The following PPM1E variants were observed in gnomAD, a reference collection of about 807,000 sequenced individuals.
PPM1E encodes the protein protein phosphatase 1E.
In PPM1E, 20 loss-of-function variants were observed where a neutral mutation model predicts 65.9. The observed-to-expected ratio is 0.30, with a 90% CI of 0.21 to 0.44. The LOEUF (loss-of-function observed/expected upper bound fraction) is 0.44, where lower values mean the gene tolerates loss of function less well. PPM1E is among the 20% of genes least tolerant of loss of function. The pLI, the probability that PPM1E is intolerant of heterozygous loss-of-function variation, is 1.00. For missense variants in PPM1E, 713 were observed against 953.1 expected (o/e 0.75, Z 3.32); for synonymous variants, 352 against 374.9 (o/e 0.94, Z 0.70).
rs1404081017 is a variant in PPM1E at position 58,980,639 on chromosome 17, T to A, written c.1876T>A (p.Phe626Ile). Reference sequence around the variant, plus strand: ...GCCTGAATGGAGTGGTGCTGGAGAGTTTCCCACTGCTTTCAATTTGGGTTC... The same window carrying A: ...GCCTGAATGGAGTGGTGCTGGAGAGATTCCCACTGCTTTCAATTTGGGTTC... Reference protein sequence around the residue: ...SLPEWSGAGEFPTAFNLGSTG... With the variant: ...SLPEWSGAGEIPTAFNLGSTG... Residue 626 changes from phenylalanine to isoleucine, a missense_variant, in exon 7 of 7, where the codon TTT becomes ATT. Phe to Ile is a conservative substitution (Grantham distance 21). Around this residue, in one of 6 missense-constraint regions of PPM1E, gnomAD observed 286 missense variants for 313.8 expected, o/e 0.91. Coordinates refer to ENST00000308249, the MANE Select transcript of PPM1E (RefSeq NM_014906.5). This position sits in a 1 kb window ranked among gnomAD's most constrained non-coding sequence, Gnocchi z 4.7. 6.2e-7 allele frequency: 1 copy of A among 1,613,978 alleles called. No individual in the cohort carries two copies. The highest frequency in any genetic ancestry group is 1.1e-5 in the South Asian group (1 of 91,068).
At chr17:58,786,560 A>G (rs557129574) in intron 1 of PPM1E, among the ~76,000 whole-genome samples, 25 of 152,314 alleles carry the variant, frequency 1.6e-4, no homozygotes, top group African/African-American at 6.0e-4. Flanking sequence ...GGCAGGACGG[A>G]GTGGGATGAT....
intron 1 of PPM1E, among the ~76,000 whole-genome samples, chr17:58,848,528 A>T (rs1466019015): frequency 6.6e-6 from 1 of 152,192 alleles, no homozygotes; most frequent in Non-Finnish European, 1.5e-5. Flanking sequence ...CTATTGAGAT[A>T]ATCATGTGGT....
intron 1 of PPM1E, among the ~76,000 whole-genome samples, chr17:58,821,786 G>A (rs2050482947): frequency 6.6e-6 from 1 of 152,158 alleles, no homozygotes; most frequent in African/African-American, 2.4e-5. Flanking sequence ...CTGGGCTTTA[G>A]AACTCCATTG....
At chr17:58,796,709 C>A (rs765692372) in intron 1 of PPM1E, among the ~76,000 whole-genome samples, 1 of 152,192 alleles carries the variant, frequency 6.6e-6, no homozygotes, top group Non-Finnish European at 1.5e-5. Context: ...CACCCATATA[C>A]CCACAACTTT....
chr17:58,825,063 T>C (rs2050519963), intron 1 of PPM1E, among the ~76,000 whole-genome samples: 2 of 152,066 alleles, frequency 1.3e-5, no homozygotes, highest in Non-Finnish European at 2.9e-5. Flanking sequence ...ACTACAAATA[T>C]GGAGCAGTGT....
chr17:58,796,052 A>AT (rs1048240423), intron 1 of PPM1E, among the ~76,000 whole-genome samples: 10 of 151,608 alleles, frequency 6.6e-5, no homozygotes, highest in Admixed American at 4.6e-4. Context: ...CCTTTTGTCA[A>AT]TTTTTTTTGT....
At chr17:58,781,842 C>T (rs763312115) in intron 1 of PPM1E, among the ~76,000 whole-genome samples, 24 of 151,722 alleles carry the variant, frequency 1.6e-4, no homozygotes, top group African/African-American at 4.8e-4. Flanking sequence ...GCCAAGATCA[C>T]GCCTGTGCAC....
intron 1 of PPM1E, among the ~76,000 whole-genome samples, chr17:58,944,632 A>C (rs114496328): frequency 0.019 from 2,939 of 152,202 alleles, 90 homozygotes; most frequent in African/African-American, 0.067. Flanking sequence ...GCTATCCATA[A>C]TGTTTTCAAG....
chr17:58,824,679 C>G (rs1284138215), intron 1 of PPM1E, among the ~76,000 whole-genome samples: 4 of 151,466 alleles, frequency 2.6e-5, no homozygotes, highest in Non-Finnish European at 2.9e-5. Context: ...AGCTCCGTCT[C>G]CCGGGTTCAC....
Position 58,755,986 on chromosome 17 carries a change from G to T in PPM1E, c.-12G>T. The T allele has an allele frequency of 1.9e-6, 3 of 1,613,948 alleles. No individual in the cohort carries two copies. The highest frequency in any genetic ancestry group is 2.5e-6 in the Non-Finnish European group (3 of 1,179,906). ...AACCCCTTTCCCGGTCTGCCCTGGG[G>T]CATGAGCAGCGATGGCCGGCTGCAT... On this transcript the variant is annotated 5_prime_UTR_variant, in exon 1 of 7. Coordinates refer to ENST00000308249, the MANE Select transcript of PPM1E (RefSeq NM_014906.5).
intron 1 of PPM1E, among the ~76,000 whole-genome samples, chr17:58,815,772 T>C (rs2050408908): frequency 6.6e-6 from 1 of 152,150 alleles, no homozygotes; most frequent in Non-Finnish European, 1.5e-5. Context: ...GTGAGAAGAT[T>C]ATGATGTTGA....
chr17:58,896,548 G>A (rs187957948), intron 1 of PPM1E, among the ~76,000 whole-genome samples: 52 of 152,256 alleles, frequency 3.4e-4, no homozygotes, highest in Non-Finnish European at 4.6e-4. Context: ...ATGCACCACT[G>A]CACTCCAGCC....
intron 1 of PPM1E, among the ~76,000 whole-genome samples, chr17:58,895,427 G>A: frequency 6.6e-6 from 1 of 152,152 alleles, no homozygotes; most frequent in Non-Finnish European, 1.5e-5. Flanking sequence ...CCAAATGCTA[G>A]GGCTCTTGCA....
chr17:58,865,404 A>G (rs989640557), intron 1 of PPM1E, among the ~76,000 whole-genome samples: 3 of 143,772 alleles, frequency 2.1e-5, no homozygotes, highest in African/African-American at 7.8e-5. Context: ...AACAAAAACA[A>G]AAAAGATTAT....
At chr17:58,969,850 G>C (rs2030481199) in intron 4 of PPM1E, 123 bp downstream of exon 4, 11 of 911,356 alleles carry the variant, frequency 1.2e-5, no homozygotes, top group Non-Finnish European at 1.5e-5. Context: ...CTGTATTCTT[G>C]ACTCACAGTA....
intron 1 of PPM1E, among the ~76,000 whole-genome samples, chr17:58,796,825 GC>G (rs1395827516): frequency 6.6e-6 from 1 of 152,072 alleles, no homozygotes; most frequent in Non-Finnish European, 1.5e-5. Context: ...GTAAGCTGTG[GC>G]CAGCCATGGT....
At chr17:58,785,461 TATATATATATATA>T (rs2050090466) in intron 1 of PPM1E, 1 of 68,144 alleles carries the variant, frequency 1.5e-5, no homozygotes, top group Non-Finnish European at 4.0e-5. Flanking sequence ...GGCTAATTTA[TATATATATATATA>T]TATATATATA....
intron 1 of PPM1E, among the ~76,000 whole-genome samples, chr17:58,865,046 G>A (rs1435377525): frequency 5.3e-5 from 8 of 152,102 alleles, no homozygotes; most frequent in Non-Finnish European, 1.0e-4. Context: ...TTTAGTGAAG[G>A]GAATTTCTTG....
At chr17:58,846,282 T>C (rs2050770508) in intron 1 of PPM1E, among the ~76,000 whole-genome samples, 1 of 152,152 alleles carries the variant, frequency 6.6e-6, no homozygotes, top group Admixed American at 6.6e-5. Context: ...TTTTTATTAT[T>C]ATTATACTTT....
Sources: gnomAD v4.1 joint callset for allele counts (sites outside exome capture counted in the v4.1 genomes callset) on GRCh38, gnomAD v4.1.1 for gene constraint, gnomAD v4.1.1 regional missense constraint, Gnocchi (gnomAD v3.1) non-coding constraint, MANE v1.5 for transcripts, NCBI Gene and HGNC (gene_info 2026-07-23, HGNC 2026-07-21) for gene names.